Variants in MGAT5 observed in about 807,000 individuals in gnomAD.
MGAT5 encodes the protein alpha-1,6-mannosylglycoprotein 6-beta-N-acetylglucosaminyltransferase.
Under a neutral mutation model 94.3 loss-of-function variants are expected in MGAT5, and 30 were observed. That is an observed-to-expected ratio of 0.32 (90% CI 0.24 to 0.43). The LOEUF (loss-of-function observed/expected upper bound fraction) is 0.43, where lower values mean the gene tolerates loss of function less well. Ranked by LOEUF, MGAT5 falls within the 20% of genes least tolerant of loss-of-function variation. The pLI is 1.00. For synonymous variants in MGAT5, 310 were observed against 322.9 expected (o/e 0.96, Z 0.43); for missense variants, 691 against 905.5 (o/e 0.76, Z 3.04).
intron 14 of MGAT5, among the ~76,000 whole-genome samples, chr2:134,438,197 C>T (rs181793909): frequency 5.3e-5 from 8 of 152,100 alleles, no homozygotes; most frequent in African/African-American, 1.9e-4. Context: ...TACCTTTAGC[C>T]TCCATGTTTA....
At chr2:134,164,597 C>G (rs941192314) in intron 1 of MGAT5, among the ~76,000 whole-genome samples, 2 of 152,104 alleles carry the variant, frequency 1.3e-5, no homozygotes, top group Non-Finnish European at 2.9e-5. Context: ...ATGATTTTCT[C>G]TTAGTGCCTC....
At chr2:134,143,037 G>A (rs1054763164) in intron 1 of MGAT5, among the ~76,000 whole-genome samples, 1 of 152,076 alleles carries the variant, frequency 6.6e-6, no homozygotes, top group East Asian at 1.9e-4. Context: ...TGTGAGACAG[G>A]CCCTCCTCAA....
intron 1 of MGAT5, among the ~76,000 whole-genome samples, chr2:134,259,795 A>G (rs1359583087): frequency 2.0e-5 from 3 of 152,188 alleles, no homozygotes; most frequent in African/African-American, 7.2e-5. Context: ...CATTTTGTGC[A>G]TACAGTGAGA....
At chr2:134,247,375 C>A (rs1313362) in intron 1 of MGAT5, among the ~76,000 whole-genome samples, 77,410 of 121,258 alleles carry the variant, frequency 0.64, 25,101 homozygotes, top group Non-Finnish European at 0.74. Context: ...AAAAAAAAAA[C>A]AAAAAAAAAA....
At position 134,453,448 on chromosome 2, in the gene MGAT5, AT is replaced by A. The variant is rs1686203397; in HGVS notation, c.*4606del. 1 of 152,216 alleles carries A rather than the reference AT, an allele frequency of 6.6e-6. No homozygotes were observed. Among genetic ancestry groups the A allele is most frequent in the South Asian group, 2.1e-4 (1 of 4,826 alleles). 9.4% of individuals were successfully genotyped at this position (152,216 alleles called of 1,614,324 possible). On this transcript the variant is annotated 3_prime_UTR_variant, in exon 16 of 16. Coordinates refer to ENST00000281923, the MANE Select transcript of MGAT5 (RefSeq NM_002410.5). ...ATTCCAAGGGTTTTCCTCAAGGAAC[AT>A]TTTTGAGCTAGAAATTAAAATGGGT...
At chr2:134,148,659 A>G (rs979529077) in intron 1 of MGAT5, among the ~76,000 whole-genome samples, 7 of 152,020 alleles carry the variant, frequency 4.6e-5, no homozygotes, top group African/African-American at 7.2e-5. Context: ...TATACTATAC[A>G]TGTTATACAC....
At chr2:134,366,192 A>T (rs1482324468) in intron 10 of MGAT5, among the ~76,000 whole-genome samples, 1 of 152,244 alleles carries the variant, frequency 6.6e-6, no homozygotes, top group Non-Finnish European at 1.5e-5. Flanking sequence ...TACCCAGAAG[A>T]ACAGCAATCT....
intron 2 of MGAT5, among the ~76,000 whole-genome samples, chr2:134,272,443 C>A (rs2105651590): frequency 6.6e-6 from 1 of 151,558 alleles, no homozygotes; most frequent in East Asian, 1.9e-4. Context: ...ATTTGCATGT[C>A]TTTGCATCTC....
At chr2:134,380,043 T>G (rs1291270909) in intron 10 of MGAT5, among the ~76,000 whole-genome samples, 1 of 152,192 alleles carries the variant, frequency 6.6e-6, no homozygotes, top group Non-Finnish European at 1.5e-5. Flanking sequence ...ATGACGCATG[T>G]CAAAAAGTGC....
chr2:134,135,349 C>T (rs1686354013), intron 1 of MGAT5, among the ~76,000 whole-genome samples: 1 of 152,060 alleles, frequency 6.6e-6, no homozygotes. Context: ...TGTTTTTTCT[C>T]TAGACTAATG....
chr2:134,264,307 C>T (rs1683553695), intron 1 of MGAT5, among the ~76,000 whole-genome samples: 1 of 152,138 alleles, frequency 6.6e-6, no homozygotes, highest in Non-Finnish European at 1.5e-5. Context: ...CAGGCATGAG[C>T]CACCGCACCC....
chr2:134,164,903 C>T (rs908460637), intron 1 of MGAT5, among the ~76,000 whole-genome samples: 7 of 151,592 alleles, frequency 4.6e-5, no homozygotes, highest in Non-Finnish European at 8.8e-5. Flanking sequence ...ACAAAACAAA[C>T]GTGAGTATGG....
intron 15 of MGAT5, among the ~76,000 whole-genome samples, chr2:134,443,178 T>G (rs1394867908): frequency 3.8e-5 from 3 of 79,428 alleles, no homozygotes; most frequent in South Asian, 7.6e-4. Flanking sequence ...GTAAGCTATG[T>G]TTTTTTTTGT....
intron 1 of MGAT5, among the ~76,000 whole-genome samples, chr2:134,196,227 A>G (rs945664982): frequency 6.6e-6 from 1 of 152,190 alleles, no homozygotes; most frequent in African/African-American, 2.4e-5. Context: ...TGTGGAGCAT[A>G]GAATTAATTG....
At chr2:134,184,006 T>G (rs536851236) in intron 1 of MGAT5, among the ~76,000 whole-genome samples, 3 of 152,380 alleles carry the variant, frequency 2.0e-5, no homozygotes, top group East Asian at 3.8e-4. Context: ...TTTTTTTGTC[T>G]GTGAAAGCCT....
intron 1 of MGAT5, among the ~76,000 whole-genome samples, chr2:134,167,678 A>G (rs111704237): frequency 6.6e-6 from 1 of 152,320 alleles, no homozygotes; most frequent in African/African-American, 2.4e-5. Flanking sequence ...ACCAAATTTC[A>G]TTTGTTATGG....
At chr2:134,144,209 G>T (rs1686798270) in intron 1 of MGAT5, among the ~76,000 whole-genome samples, 1 of 152,118 alleles carries the variant, frequency 6.6e-6, no homozygotes, top group Non-Finnish European at 1.5e-5. Flanking sequence ...AAGAAAAGAG[G>T]TTTAATTGGC....
rs535865297 is a variant in MGAT5 at position 134,143,179 on chromosome 2, C to T, written c.-143+22888C>T. The stretch of plus-strand genomic sequence containing the variant: ...GGAAGCTGATTAGTGTTGCTGGGGG[C>T]AGGGGCATGGGGAGAATGCTTGATG... On this transcript the variant is annotated intron_variant, in intron 1 of 16. Coordinates refer to the MGAT5 transcript ENST00000409645. Among the ~76,000 whole-genome samples, 4 of 151,858 alleles carry T rather than the reference C, an allele frequency of 2.6e-5. No homozygotes were observed. The East Asian group carries it at 7.8e-4, about 29-fold the overall frequency.
intron 2 of MGAT5, among the ~76,000 whole-genome samples, chr2:134,313,815 A>T (rs1686842128): frequency 6.6e-6 from 1 of 152,138 alleles, no homozygotes; most frequent in Non-Finnish European, 1.5e-5. Context: ...TCCCGTGGAT[A>T]CCGTCACCCA....
Sources: gnomAD v4.1 joint callset for allele counts (sites outside exome capture counted in the v4.1 genomes callset) on GRCh38, gnomAD v4.1.1 for gene constraint, MANE v1.5 for transcripts, NCBI Gene and HGNC (gene_info 2026-07-23, HGNC 2026-07-21) for gene names.